Variants in ADK observed in about 807,000 individuals in gnomAD.
The protein encoded by ADK is N6,N6-dimethyladenosine kinase.
ADK carries 24 observed loss-of-function variants against 44.7 expected under a neutral mutation model. The ratio of observed to expected loss-of-function variants is 0.54; its 90% CI spans 0.39 to 0.76. ADK has a LOEUF of 0.76. Ranked by LOEUF, ADK falls within the 30% of genes least tolerant of loss-of-function variation. The pLI, the probability that ADK is intolerant of heterozygous loss-of-function variation, is 0.00. For missense variants in ADK, 321 were observed against 425.1 expected (o/e 0.76, Z 2.15); for synonymous variants, 128 against 142.6 (o/e 0.90, Z 0.73).
intron 6 of ADK, among the ~76,000 whole-genome samples, chr10:74,454,203 A>G (rs1845864921): frequency 6.6e-6 from 1 of 151,940 alleles, no homozygotes. Flanking sequence ...TTGTTTTCCT[A>G]CTGTTTGTTG....
chr10:74,531,031 T>A (rs1318441351), intron 7 of ADK, among the ~76,000 whole-genome samples: 3 of 152,140 alleles, frequency 2.0e-5, no homozygotes, highest in Admixed American at 6.5e-5. Context: ...AAGTTAAAAG[T>A]ACCAGAGAAG....
chr10:74,489,442 G>A lies in ADK; in HGVS notation c.556-35814G>A, dbSNP rs187404234. Among the ~76,000 whole-genome samples, 545 of 152,010 alleles carry A rather than the reference G, an allele frequency of 3.6e-3. 3 individuals carry two copies. The highest frequency in any genetic ancestry group is 0.013 in the African/African-American group (525 of 41,520). Reference sequence around the variant, plus strand: ...ATAACAGCTCAATGACTTGAACAAGGATACAGATGCATGTAGTATACACAG... The same window carrying A: ...ATAACAGCTCAATGACTTGAACAAGAATACAGATGCATGTAGTATACACAG... On this transcript the variant is annotated intron_variant, in intron 6 of 10. Transcript: ENST00000539909.
chr10:74,649,992 C>A (rs941833198), intron 9 of ADK, among the ~76,000 whole-genome samples: 1 of 152,172 alleles, frequency 6.6e-6, no homozygotes, highest in African/African-American at 2.4e-5. Flanking sequence ...AATCTCAAAG[C>A]GTGTTTAGAG....
At chr10:74,587,361 C>G (rs550414694) in intron 7 of ADK, among the ~76,000 whole-genome samples, 1 of 152,274 alleles carries the variant, frequency 6.6e-6, no homozygotes, top group South Asian at 2.1e-4. Flanking sequence ...GTAACTTGGT[C>G]AGGCTTATGT....
At chr10:74,473,221 T>TAG (rs1846674882) in intron 6 of ADK, among the ~76,000 whole-genome samples, 1 of 151,120 alleles carries the variant, frequency 6.6e-6, no homozygotes, top group Non-Finnish European at 1.5e-5. Context: ...CACACACATA[T>TAG]AGAGAGAGAG....
At chr10:74,648,679 A>C (rs1429864845) in intron 9 of ADK, among the ~76,000 whole-genome samples, 1 of 152,140 alleles carries the variant, frequency 6.6e-6, no homozygotes, top group Non-Finnish European at 1.5e-5. Context: ...TCCATCTCAA[A>C]AAAAAAGAAG....
chr10:74,472,446 T>C (rs1846633529), intron 6 of ADK, among the ~76,000 whole-genome samples: 1 of 152,166 alleles, frequency 6.6e-6, no homozygotes, highest in African/African-American at 2.4e-5. Context: ...AGATTCTTCT[T>C]TCTGTAAGTC....
intron 7 of ADK, among the ~76,000 whole-genome samples, chr10:74,559,456 G>A (rs1850378820): frequency 6.6e-6 from 1 of 152,046 alleles, no homozygotes; most frequent in African/African-American, 2.4e-5. Flanking sequence ...TTCTTCTATT[G>A]AAAGCTTTTA....
At chr10:74,195,707 C>CTTTTTTTTTTTTTTTTTTTTTTTTTTCTT (rs71475265) in intron 1 of ADK, among the ~76,000 whole-genome samples, 1 of 97,526 alleles carries the variant, frequency 1.0e-5, no homozygotes. Context: ...TCTTTTCTTT[C>CTTTTTTTTTTTTTTTTTTTTTTTTTTCTT]TTTTTTTTTT....
At chr10:74,689,995 T>C (rs923281391) in intron 10 of ADK, among the ~76,000 whole-genome samples, 1 of 152,202 alleles carries the variant, frequency 6.6e-6, no homozygotes, top group Non-Finnish European at 1.5e-5. Context: ...GCTTAAGTGA[T>C]ACTGAAGCAG....
chr10:74,379,130 A>G (rs946643233), intron 4 of ADK, among the ~76,000 whole-genome samples: 13 of 152,094 alleles, frequency 8.5e-5, no homozygotes, highest in Non-Finnish European at 1.5e-4. Context: ...TGGAAGCATT[A>G]CAGGGTTTTG....
chr10:74,653,529 C>T (rs141684237), intron 9 of ADK, among the ~76,000 whole-genome samples: 1 of 152,196 alleles, frequency 6.6e-6, no homozygotes, highest in African/African-American at 2.4e-5. Flanking sequence ...CCTGGTGCTG[C>T]AGCTTCTATT....
chr10:74,300,803 A>G (rs2132516706), intron 3 of ADK, among the ~76,000 whole-genome samples: 1 of 152,374 alleles, frequency 6.6e-6, no homozygotes, highest in East Asian at 1.9e-4. Context: ...TTTATATACA[A>G]TGTCCCATTC....
intron 1 of ADK, among the ~76,000 whole-genome samples, chr10:74,194,934 G>A (rs982274070): frequency 2.0e-5 from 3 of 152,096 alleles, no homozygotes; most frequent in African/African-American, 7.2e-5. Flanking sequence ...TATATCAATA[G>A]CCAAGAAAAG....
intron 4 of ADK, among the ~76,000 whole-genome samples, chr10:74,384,563 A>G (rs1040827420): frequency 6.6e-6 from 1 of 152,096 alleles, no homozygotes; most frequent in Non-Finnish European, 1.5e-5. Flanking sequence ...CCAGCTACTC[A>G]GGAGGCTGGG....
chr10:74,391,487 T>A lies in ADK; in HGVS notation c.274-2654T>A, dbSNP rs190658322. The stretch of plus-strand genomic sequence containing the variant: ...CTTTCTGTGTTTCTTTTTATAAAAT[T>A]AGCAAACACAAAATTATATATACAT... On this transcript the variant is annotated intron_variant, in intron 4 of 10. Coordinates refer to ENST00000539909, the MANE Select transcript of ADK (RefSeq NM_006721.4). Among the ~76,000 whole-genome samples, 467 of 152,036 alleles carry A rather than the reference T, an allele frequency of 3.1e-3. 2 individuals are homozygous for A. Among genetic ancestry groups the A allele is most frequent in the Non-Finnish European group, 5.7e-3 (388 of 67,976 alleles).
At chr10:74,416,686 T>G (rs1844387569) in intron 6 of ADK, among the ~76,000 whole-genome samples, 1 of 151,886 alleles carries the variant, frequency 6.6e-6, no homozygotes, top group African/African-American at 2.4e-5. Flanking sequence ...CTCAACTCTT[T>G]TCAGCTCTGC....
intron 6 of ADK, among the ~76,000 whole-genome samples, chr10:74,448,645 C>T (rs2133175730): frequency 6.6e-6 from 1 of 152,180 alleles, no homozygotes; most frequent in East Asian, 1.9e-4. Flanking sequence ...ACTCTGGCTA[C>T]ACAAAAAACT....
intron 6 of ADK, among the ~76,000 whole-genome samples, chr10:74,480,220 TTCTTTC>T (rs1432009562): frequency 1.3e-5 from 2 of 148,798 alleles, no homozygotes; most frequent in African/African-American, 5.0e-5. Flanking sequence ...CTTTCTTTCT[TTCTTTC>T]TTTTTTTTTT....
Sources: allele counts gnomAD v4.1 joint callset (sites outside exome capture counted in the v4.1 genomes callset), GRCh38; gene constraint gnomAD v4.1.1; transcripts MANE v1.5; gene names NCBI Gene and HGNC (gene_info 2026-07-23, HGNC 2026-07-21).